Variants in MRPS25 observed in about 807,000 individuals in gnomAD.
MRPS25 encodes small ribosomal subunit protein mS25.
In MRPS25, 15 loss-of-function variants were observed where a neutral mutation model predicts 17.3. The observed-to-expected ratio is 0.87, with a 90% CI of 0.58 to 1.34. MRPS25 has a LOEUF of 1.34. Ranked by LOEUF, MRPS25 falls within the 40% of genes most tolerant of loss-of-function variation. The probability of loss-of-function intolerance (pLI) is 0.00; values close to 1 mark genes in which losing one functional copy is unlikely to be tolerated. For synonymous variants in MRPS25, 94 were observed against 83.3 expected, an observed-to-expected ratio of 1.13 and a Z score of -0.70; for missense variants, 225 against 218.6, an observed-to-expected ratio of 1.03 and a Z score of -0.19.
At chr3:15,059,986 C>CAA (rs36115372) in intron 1 of MRPS25, among the ~76,000 whole-genome samples, 3 of 116,406 alleles carry the variant, frequency 2.6e-5, no homozygotes, top group African/African-American at 3.2e-5. Flanking sequence ...AAAGGCCTTG[C>CAA]AAAAAAAAAA....
rs778061413 is a variant in MRPS25 at position 15,065,227 on chromosome 3, C to A, written c.-33G>T. ...ACGGTGGCGGGGCCGACCCCACGGGCCGCGAGCCGAGCAGCGACGAGAAAG... is the reference window on the plus strand; with the variant it reads ...ACGGTGGCGGGGCCGACCCCACGGGACGCGAGCCGAGCAGCGACGAGAAAG... On this transcript the variant is annotated 5_prime_UTR_variant, in exon 1 of 4. Coordinates refer to ENST00000253686, the MANE Select transcript of MRPS25 (RefSeq NM_022497.5). 1 of 1,554,956 alleles carries A rather than the reference C, an allele frequency of 6.4e-7. No individual in the cohort carries two copies. Among genetic ancestry groups the A allele is most frequent in the East Asian group, 2.4e-5 (1 of 41,640 alleles).
downstream of MRPS25, chr3:15,047,061 T>A (rs1306350798): frequency 6.6e-6 from 1 of 152,642 alleles, no homozygotes; most frequent in Admixed American, 6.5e-5. Context: ...TGAATGTACA[T>A]GTGTTTATAT....
intron 1 of MRPS25, among the ~76,000 whole-genome samples, chr3:15,060,035 G>A (rs1276365719): frequency 6.6e-6 from 1 of 151,428 alleles, no homozygotes; most frequent in Non-Finnish European, 1.5e-5. Flanking sequence ...GCTCAATTGT[G>A]TACAGCATTT....
downstream of MRPS25, chr3:15,048,135 A>G (rs2042522118): frequency 6.5e-6 from 1 of 152,678 alleles, no homozygotes; most frequent in Admixed American, 6.5e-5. Context: ...AATGTTTTAA[A>G]AACACTTTAT....
rs187017470 is a variant in MRPS25, at chr3:15,063,169, A to T, written c.134+1892T>A. 3.6e-4 allele frequency among the ~76,000 whole-genome samples: 55 copies of T among 152,058 alleles called. No individual in the cohort carries two copies. The East Asian group carries it at 7.3e-3, about 20-fold the overall frequency. On this transcript the variant is annotated intron_variant, in intron 1 of 3. Coordinates refer to ENST00000253686, the MANE Select transcript of MRPS25 (RefSeq NM_022497.5). ...CCCAGAAGGTGGGGTTTTACAATTTAAGGAAACTAAGGTCAGAAGTTAAGT... is the reference window on the plus strand; with the variant it reads ...CCCAGAAGGTGGGGTTTTACAATTTTAGGAAACTAAGGTCAGAAGTTAAGT...
chr3:15,053,131 G>A lies in MRPS25; in HGVS notation c.329+249C>T, dbSNP rs1307124476. 2.6e-5 allele frequency among the ~76,000 whole-genome samples: 4 copies of A among 152,170 alleles called. No individual in the cohort carries two copies. In the South Asian group the frequency reaches 6.2e-4, roughly 24 times the overall value. On this transcript the variant is annotated intron_variant, in intron 3 of 3. Transcript: ENST00000253686. ...CAAGTCAGCTGCATTTCAGCTTCCC[G>A]TCCCCCGCAAGAGGGAGAGAGGTAC...
At chr3:15,061,955 A>G (rs1255773012) in intron 1 of MRPS25, among the ~76,000 whole-genome samples, 7 of 119,938 alleles carry the variant, frequency 5.8e-5, no homozygotes, top group African/African-American at 9.9e-5. Context: ...GCCCCGTCTG[A>G]GAAGTGAGGA....
chr3:15,051,773 A>G lies in MRPS25; in HGVS notation c.*668T>C. 1.0e-6 allele frequency: 1 copy of G among 985,456 alleles called. No individual in the cohort carries two copies. The highest frequency in any genetic ancestry group is 4.7e-5 in the South Asian group (1 of 21,286). The allele number at this position is 985,456 out of a possible 1,614,324, so 61.0% of individuals were successfully genotyped here. A position where few individuals can be genotyped will look rare whatever the true frequency, so the allele number is the denominator to read the frequency against. On this transcript the variant is annotated 3_prime_UTR_variant, in exon 4 of 4. Coordinates refer to ENST00000253686, the MANE Select transcript of MRPS25 (RefSeq NM_022497.5). ...TACAAACCTCCCTGCTAATGCACAC[A>G]GTGGCTGGGCCATGGGTTGGCAGTG...
At chr3:15,057,948 G>A (rs771699467) in intron 2 of MRPS25, among the ~76,000 whole-genome samples, 2 of 152,092 alleles carry the variant, frequency 1.3e-5, no homozygotes, top group Non-Finnish European at 2.9e-5. Flanking sequence ...GCAGTGGTGC[G>A]ATCTTGGCTC....
intron 1 of MRPS25, among the ~76,000 whole-genome samples, chr3:15,064,294 A>G (rs752203461): frequency 2.0e-5 from 3 of 152,184 alleles, no homozygotes; most frequent in Non-Finnish European, 4.4e-5. Context: ...GGGCTGCCTC[A>G]GGGTCAATCC....
downstream of MRPS25, chr3:15,045,049 T>C (rs1420961061): frequency 1.3e-5 from 2 of 152,256 alleles, no homozygotes; most frequent in Admixed American, 1.3e-4. Flanking sequence ...CTAACCCTGA[T>C]GTGTTTTCAG....
chr3:15,042,559 A>C (rs761273515), downstream of MRPS25: 9 of 329,354 alleles, frequency 2.7e-5, no homozygotes, highest in Non-Finnish European at 5.0e-5. Context: ...CTGTTGATGA[A>C]TTTCCAGGTT....
chr3:15,058,155 T>C (rs1283412932), intron 2 of MRPS25, among the ~76,000 whole-genome samples: 1 of 151,572 alleles, frequency 6.6e-6, no homozygotes, highest in Non-Finnish European at 1.5e-5. Context: ...GGATTACAGG[T>C]GTGAGCCACT....
chr3:15,043,123 G>A (rs2042329168), downstream of MRPS25: 5 of 979,864 alleles, frequency 5.1e-6, no homozygotes, highest in Non-Finnish European at 5.7e-6. Context: ...GCCATTTCCT[G>A]TCTGGTTTCT....
Position 15,049,968 on chromosome 3 carries a change from A to T in MRPS25, c.*2473T>A. 1 of 1,517,502 alleles carries T rather than the reference A, an allele frequency of 6.6e-7. No homozygotes were observed. Among genetic ancestry groups the T allele is most frequent in the Non-Finnish European group, 8.8e-7 (1 of 1,141,358 alleles). The allele number at this position is 1,517,502 out of a possible 1,614,324, so 94.0% of individuals were successfully genotyped here. A position where few individuals can be genotyped will look rare whatever the true frequency, so the allele number is the denominator to read the frequency against. The stretch of plus-strand genomic sequence containing the variant: ...AGAAGAAAAGTGGTCACTTCAGAAT[A>T]AGGCTGTGAACACTGCTTGTGCAAG... On this transcript the variant is annotated 3_prime_UTR_variant, in exon 4 of 4. Coordinates refer to ENST00000253686, the MANE Select transcript of MRPS25 (RefSeq NM_022497.5).
Position 15,049,942 on chromosome 3 carries a change from G to T in MRPS25, c.*2499C>A. ...TGGTGCTGCCAGGTAGTGCCTCAAAGAGAAGAAAAGTGGTCACTTCAGAAT... is the reference window on the plus strand; with the variant it reads ...TGGTGCTGCCAGGTAGTGCCTCAAATAGAAGAAAAGTGGTCACTTCAGAAT... On this transcript the variant is annotated 3_prime_UTR_variant, in exon 4 of 4. Transcript: ENST00000253686. 1 of 1,530,314 alleles carries T rather than the reference G, an allele frequency of 6.5e-7. No individual in the cohort carries two copies. Among genetic ancestry groups the T allele is most frequent in the Non-Finnish European group, 8.7e-7 (1 of 1,145,356 alleles). The allele number at this position is 1,530,314 out of a possible 1,614,324, so 94.8% of individuals were successfully genotyped here.
Position 15,052,069 on chromosome 3 carries a change from A to C in MRPS25, c.*372T>G, listed in dbSNP as rs2042612923. 2 of 1,014,244 alleles carry C rather than the reference A, an allele frequency of 2.0e-6. No individual in the cohort carries two copies. Among genetic ancestry groups the C allele is most frequent in the South Asian group, 4.4e-5 (1 of 22,864 alleles). 62.8% of individuals were successfully genotyped at this position (1,014,244 alleles called of 1,614,324 possible). On this transcript the variant is annotated 3_prime_UTR_variant, in exon 4 of 4. Transcript: ENST00000253686. ...GTTCTCCAGAGTAGAGCCCAGAGGA[A>C]GATTCAAAGCCAGCGGAGACCAGTA...
chr3:15,060,835 C>G (rs555718697), intron 1 of MRPS25, among the ~76,000 whole-genome samples: 1 of 152,194 alleles, frequency 6.6e-6, no homozygotes, highest in South Asian at 2.1e-4. Context: ...GAGCCGAGAT[C>G]GCGCCACTGC....
chr3:15,050,315 G>GAACTC lies in MRPS25; in HGVS notation c.*2121_*2125dup. 9.2e-7 allele frequency: 1 copy of GAACTC among 1,081,234 alleles called. No homozygotes were observed. The highest frequency in any genetic ancestry group is 1.1e-6 in the Non-Finnish European group (1 of 891,734). The allele number at this position is 1,081,234 out of a possible 1,614,324, so 67.0% of individuals were successfully genotyped here. On this transcript the variant is annotated 3_prime_UTR_variant, in exon 4 of 4. Coordinates refer to ENST00000253686, the MANE Select transcript of MRPS25 (RefSeq NM_022497.5). ...TGCCCATTGCTCCTGTGTCAAGCCT[G>GAACTC]AACTCAAACCCTAGTTATCTGTCCC...
Sources: gnomAD v4.1 joint callset for allele counts (sites outside exome capture counted in the v4.1 genomes callset) on GRCh38, gnomAD v4.1.1 for gene constraint, MANE v1.5 for transcripts, NCBI Gene and HGNC (gene_info 2026-07-23, HGNC 2026-07-21) for gene names.